ALMS1: variants seen among roughly 807,000 people sequenced by gnomAD.
ALMS1 encodes ALMS1 centrosome and basal body associated protein, also known as centrosome-associated protein ALMS1.
ALMS1 carries 271 observed loss-of-function variants against 352.2 expected under a neutral mutation model. The observed-to-expected ratio is 0.77, with a 90% CI of 0.70 to 0.85. The LOEUF (loss-of-function observed/expected upper bound fraction) is 0.85, where lower values mean the gene tolerates loss of function less well. ALMS1 is among the 40% of genes least tolerant of loss of function. The pLI is 0.00. For synonymous variants in ALMS1, 1,865 were observed against 1,761.2 expected (o/e 1.06, Z -1.48); for missense variants, 5,445 against 4,870.7 (o/e 1.12, Z -3.51).
intron 10 of ALMS1, among the ~76,000 whole-genome samples, chr2:73,497,460 C>G (rs1389664603): frequency 6.6e-6 from 1 of 152,038 alleles, no homozygotes; most frequent in Non-Finnish European, 1.5e-5. Flanking sequence ...TACAGGCATA[C>G]CTCAGATATA....
chr2:73,601,476 G>C, intron 19 of ALMS1, 40 bp downstream of exon 19: 1 of 1,606,432 alleles, frequency 6.2e-7, no homozygotes, highest in Non-Finnish European at 8.5e-7. Flanking sequence ...TACGTGTAGG[G>C]AGAAGAAGGG....
intron 11 of ALMS1, among the ~76,000 whole-genome samples, chr2:73,531,209 G>A (rs774387939): frequency 3.3e-5 from 5 of 152,160 alleles, no homozygotes; most frequent in African/African-American, 1.2e-4. Context: ...TTAAACATAA[G>A]TTCCAATTTC....
At chr2:73,400,478 C>T (rs1307171745) in intron 1 of ALMS1, among the ~76,000 whole-genome samples, 1 of 152,118 alleles carries the variant, frequency 6.6e-6, no homozygotes, top group African/African-American at 2.4e-5. Context: ...GAAGTATTCT[C>T]TCTGATTCTG....
intron 10 of ALMS1, among the ~76,000 whole-genome samples, chr2:73,517,877 C>T (rs541779352): frequency 6.6e-6 from 1 of 151,964 alleles, no homozygotes; most frequent in Admixed American, 6.6e-5. Flanking sequence ...AGGCTGGTCT[C>T]GAACTTTTGA....
chr2:73,394,144 T>C (rs564727283), intron 1 of ALMS1, among the ~76,000 whole-genome samples: 12 of 151,978 alleles, frequency 7.9e-5, no homozygotes, highest in Non-Finnish European at 1.3e-4. Flanking sequence ...TTGATTAATA[T>C]TGCTTTATAG....
rs546250279 is a variant in ALMS1, at chr2:73,466,993, C to G, written c.7674+11698C>G. ...AATAACCCTGTCCCCTACATCATACCTTACTACAAAATTAATTTGAGATGG... is the reference window on the plus strand; with the variant it reads ...AATAACCCTGTCCCCTACATCATACGTTACTACAAAATTAATTTGAGATGG... On this transcript the variant is annotated intron_variant, in intron 9 of 22. Transcript: ENST00000613296. Among the ~76,000 whole-genome samples the G allele has an allele frequency of 8.5e-5, 13 of 152,130 alleles. No homozygotes were observed. In the South Asian group the frequency reaches 2.3e-3, roughly 27 times the overall value.
chr2:73,570,991 C>T (rs1421501479), intron 15 of ALMS1, among the ~76,000 whole-genome samples: 1 of 152,100 alleles, frequency 6.6e-6, no homozygotes, highest in Non-Finnish European at 1.5e-5. Flanking sequence ...TCTTTGTAGC[C>T]CCTAATTTAG....
intron 13 of ALMS1, among the ~76,000 whole-genome samples, chr2:73,550,883 C>G (rs62153185): frequency 1.3e-5 from 2 of 151,742 alleles, no homozygotes; most frequent in South Asian, 2.1e-4. Flanking sequence ...ACTCTGTCAC[C>G]CAGGCTGGAG....
At position 73,572,336 on chromosome 2, in the gene ALMS1, C is replaced by T. The variant is rs1209372668; in HGVS notation, c.10459C>T (p.Pro3487Ser). 4 of 1,607,968 alleles carry T rather than the reference C, an allele frequency of 2.5e-6. No individual in the cohort carries two copies. The South Asian group carries it at 4.5e-5, about 18-fold the overall frequency. The change falls in exon 16 of 23, where the codon CCC becomes TCC. Residue 3487 changes from proline (P) to serine (S), a missense_variant. Transcript: ENST00000613296. Reference protein sequence around the residue: ...FRSAKFYIHHPVHLPSDQDIC... With the variant: ...FRSAKFYIHHSVHLPSDQDIC... ...GTCAGCAAAGTTTTACATTCATCAT[C>T]CCGTACACCTACCAAGTGATCAAGA... is the stretch of plus-strand genomic sequence containing the variant.
rs538785825 is a variant in ALMS1, at chr2:73,601,199, T to C, written c.11877T>C (p.Val3959=). ...TCTAAAAACTGTTTCCTGTAGGAGT[T>C]TCCTGGTTTGTTCCTGTGGAAAATG... ...KKNKKNSHEG[V]SWFVPVENVE... The change falls in exon 19 of 23, where the codon GTT becomes GTC. Residue 3959 remains valine, a synonymous_variant. Coordinates refer to ENST00000613296, the MANE Select transcript of ALMS1 (RefSeq NM_001378454.1). 4 of 1,614,180 alleles carry C rather than the reference T, an allele frequency of 2.5e-6. No individual in the cohort carries two copies. In the African/African-American group the frequency reaches 5.3e-5, roughly 22 times the overall value.
At chr2:73,568,570 T>A (rs2104092734) in intron 15 of ALMS1, among the ~76,000 whole-genome samples, 1 of 152,330 alleles carries the variant, frequency 6.6e-6, no homozygotes, top group South Asian at 2.1e-4. Flanking sequence ...CAAGTAGTTT[T>A]ACTCTACTTG....
At chr2:73,526,233 T>C (rs771556199) in intron 11 of ALMS1, among the ~76,000 whole-genome samples, 23 of 152,220 alleles carry the variant, frequency 1.5e-4, no homozygotes, top group Non-Finnish European at 2.8e-4. Flanking sequence ...TTTCGTTCTT[T>C]ATGCTTAAGA....
At chr2:73,500,384 C>G (rs980953167) in intron 10 of ALMS1, among the ~76,000 whole-genome samples, 1 of 152,118 alleles carries the variant, frequency 6.6e-6, no homozygotes, top group Non-Finnish European at 1.5e-5. Flanking sequence ...TATGTACTTT[C>G]TGTGACTACA....
chr2:73,391,661 T>C (rs1202099151), intron 1 of ALMS1, among the ~76,000 whole-genome samples: 1 of 152,206 alleles, frequency 6.6e-6, no homozygotes, highest in Admixed American at 6.5e-5. Flanking sequence ...TTAGTCGTAG[T>C]GTGCTTTTCT....
chr2:73,414,719 T>C (rs1373405552), intron 2 of ALMS1, among the ~76,000 whole-genome samples: 3 of 152,104 alleles, frequency 2.0e-5, no homozygotes, highest in Non-Finnish European at 4.4e-5. Context: ...TTCTTCTGGT[T>C]TTTTTTCTAC....
intron 1 of ALMS1, among the ~76,000 whole-genome samples, chr2:73,408,038 A>G (rs1419189274): frequency 6.6e-6 from 1 of 152,048 alleles, no homozygotes; most frequent in Non-Finnish European, 1.5e-5. Context: ...TTTAGAAGGA[A>G]ATCTTATATT....
chr2:73,556,062 C>T (rs1272207424), intron 13 of ALMS1, among the ~76,000 whole-genome samples: 1 of 152,102 alleles, frequency 6.6e-6, no homozygotes. Flanking sequence ...AGAATGGCAT[C>T]ATTGGGAACA....
intron 10 of ALMS1, among the ~76,000 whole-genome samples, chr2:73,500,947 C>A (rs907702555): frequency 6.6e-6 from 1 of 152,066 alleles, no homozygotes; most frequent in Non-Finnish European, 1.5e-5. Flanking sequence ...TTTTTTGTTC[C>A]CATTAACTGC....
intron 10 of ALMS1, among the ~76,000 whole-genome samples, chr2:73,516,510 C>T (rs1272653863): frequency 6.6e-6 from 1 of 152,188 alleles, no homozygotes; most frequent in Non-Finnish European, 1.5e-5. Context: ...CATATTATTG[C>T]TATTCACAAT....
Sources: allele counts gnomAD v4.1 joint callset (sites outside exome capture counted in the v4.1 genomes callset), GRCh38; gene constraint gnomAD v4.1.1; transcripts MANE v1.5; gene names NCBI Gene and HGNC (gene_info 2026-07-23, HGNC 2026-07-21).